The following OSBP2 variants were observed in gnomAD, a reference collection of about 807,000 sequenced individuals.
OSBP2 encodes oxysterol-binding protein 2.
OSBP2 carries 66 observed loss-of-function variants against 96.0 expected under a neutral mutation model. That is an observed-to-expected ratio of 0.69 (90% CI 0.56 to 0.84). OSBP2 has a LOEUF of 0.84. Among genes scored for constraint, OSBP2 ranks in the 40% least tolerant of loss-of-function variants. OSBP2 has a pLI of 0.00. For missense variants in OSBP2, 1,038 were observed against 1,222.7 expected (o/e 0.85, Z 2.25); for synonymous variants, 525 against 520.9 (o/e 1.01, Z -0.11).
intron 2 of OSBP2, chr22:30,764,144 C>T (rs2090240884): frequency 7.0e-6 from 5 of 716,774 alleles, no homozygotes; most frequent in Middle Eastern, 7.2e-4. Context: ...AGGGGCTCCC[C>T]GGTTCTCGCC....
rs1361139215 is a variant in OSBP2, at chr22:30,890,834, T to A, written c.1730T>A (p.Met577Lys). The change falls in exon 8 of 14, where the codon ATG becomes AAG. Residue 577 changes from methionine (M) to lysine (K), a missense_variant. By Grantham distance (95) the Met-to-Lys change is moderately conservative. Around this residue, in one of 3 missense-constraint regions of OSBP2, gnomAD observed 737 missense variants for 913.3 expected, o/e 0.81. Transcript: ENST00000332585. The surrounding 1 kb of genome is among the most constrained non-coding windows in gnomAD (Gnocchi z 4.4). Reference protein sequence around the residue: ...AVHCTSSVEQMCLVAAFSVSS... With the variant: ...AVHCTSSVEQKCLVAAFSVSS... ...CACTGCACCAGCTCAGTGGAGCAGA[T>A]GTGCCTGGTGGCCGCCTTCTCTGTG... is the stretch of plus-strand genomic sequence containing the variant. 2 of 1,613,818 alleles carry A rather than the reference T, an allele frequency of 1.2e-6. No individual in the cohort carries two copies. The highest frequency in any genetic ancestry group is 1.7e-6 in the Non-Finnish European group (2 of 1,180,012).
rs773172269 is a variant in OSBP2 at position 30,887,447 on chromosome 22, C to T, written c.1129C>T (p.Leu377=). Residue 377 remains leucine, a synonymous_variant, in exon 4 of 14, where the codon CTA becomes TTA. Transcript: ENST00000332585. ...CCAGGCCTGCAGGGACTTCTTGGAA[C>T]TAGCAGAGATACACAGTCGGAAATG... is the stretch of plus-strand genomic sequence containing the variant. ...MINACRDFLE[L]AEIHSRKWQR... The T allele has an allele frequency of 3.2e-5, 52 of 1,613,604 alleles. No homozygotes were observed. The highest frequency in any genetic ancestry group is 4.2e-5 in the Non-Finnish European group (50 of 1,179,904).
chr22:30,716,288 T>G (rs2089454491), intron 1 of OSBP2, among the ~76,000 whole-genome samples: 1 of 149,744 alleles, frequency 6.7e-6, no homozygotes, highest in Non-Finnish European at 1.5e-5. Context: ...GTGATCTGCC[T>G]GTTTCAGCCT....
At chr22:30,728,959 AT>A (rs2089699421) in intron 1 of OSBP2, among the ~76,000 whole-genome samples, 1 of 152,196 alleles carries the variant, frequency 6.6e-6, no homozygotes, top group African/African-American at 2.4e-5. Context: ...TGTTGTGAAC[AT>A]TTTGGTACCT....
chr22:30,799,135 G>T (rs2090814553), intron 2 of OSBP2, among the ~76,000 whole-genome samples: 1 of 134,808 alleles, frequency 7.4e-6, no homozygotes, highest in Admixed American at 8.1e-5. Context: ...TTTGAGATAG[G>T]GTCTCACTGT....
At chr22:30,704,438 G>A (rs1195563885) in intron 1 of OSBP2, among the ~76,000 whole-genome samples, 3 of 152,042 alleles carry the variant, frequency 2.0e-5, no homozygotes, top group East Asian at 3.9e-4. Context: ...CAGAGCCCAG[G>A]GTTTTTACTG....
Position 30,893,561 on chromosome 22 carries a change from G to A in OSBP2, c.2089G>A (p.Asp697Asn), listed in dbSNP as rs967555975. The part of the protein sequence containing the change: ...HNIIVGKLWI[D>N]QSGDIEIVNH... ...CATCATCGTGGGCAAGCTCTGGATC[G>A]ACCAGGTCAGGGGCGCCCTTGGGGA... The change falls in exon 10 of 14, where the codon GAC becomes AAC. Residue 697 changes from aspartate to asparagine, a missense_variant. Physicochemically the swap from Asp to Asn is conservative, Grantham distance 23 (BLOSUM62 1). Transcript: ENST00000332585. 17 of 1,613,874 alleles carry A rather than the reference G, an allele frequency of 1.1e-5. No homozygotes were observed. Among genetic ancestry groups the A allele is most frequent in the Non-Finnish European group, 1.3e-5 (15 of 1,179,908 alleles).
intron 4 of OSBP2, 33 bp downstream of exon 4, chr22:30,887,651 G>A: frequency 6.5e-7 from 1 of 1,527,606 alleles, no homozygotes; most frequent in Non-Finnish European, 8.8e-7. Context: ...GCTGTCCCAT[G>A]ACCTTCTGCC....
intron 2 of OSBP2, among the ~76,000 whole-genome samples, chr22:30,839,409 C>G (rs1230290148): frequency 8.4e-6 from 1 of 118,588 alleles, no homozygotes; most frequent in Non-Finnish European, 1.7e-5. Flanking sequence ...TTCTAGATCC[C>G]TGAGGAATCG....
chr22:30,775,819 A>G (rs905356061), intron 2 of OSBP2, among the ~76,000 whole-genome samples: 6 of 151,614 alleles, frequency 4.0e-5, no homozygotes, highest in African/African-American at 1.2e-4. Context: ...TTTCTGAGAC[A>G]GTGTCTTGCT....
intron 2 of OSBP2, among the ~76,000 whole-genome samples, chr22:30,855,317 A>T (rs1417738137): frequency 6.6e-6 from 1 of 152,068 alleles, no homozygotes; most frequent in South Asian, 2.1e-4. Context: ...GCCCTGGCCC[A>T]TTCCTTCTCA....
intron 2 of OSBP2, chr22:30,773,039 G>T (rs1402362635): frequency 1.3e-5 from 2 of 151,634 alleles, no homozygotes; most frequent in East Asian, 3.9e-4. Flanking sequence ...TGATCCACCT[G>T]CCTTGGCCTC....
At chr22:30,811,312 ATTTT>A (rs995526445) in intron 2 of OSBP2, among the ~76,000 whole-genome samples, 1 of 144,188 alleles carries the variant, frequency 6.9e-6, no homozygotes. Context: ...TTCTGATTTT[ATTTT>A]TTTTATTTTT....
At chr22:30,899,402 C>CAAAA (rs59384656) in intron 12 of OSBP2, among the ~76,000 whole-genome samples, 1 of 86,614 alleles carries the variant, frequency 1.2e-5, no homozygotes, top group African/African-American at 4.3e-5. Flanking sequence ...GACCCTATCT[C>CAAAA]AAAAAAAAAA....
chr22:30,712,640 G>A (rs1176329552), intron 1 of OSBP2, among the ~76,000 whole-genome samples: 4 of 152,200 alleles, frequency 2.6e-5, no homozygotes, highest in Non-Finnish European at 4.4e-5. Flanking sequence ...GGGAACTGGA[G>A]CGTCCAGGAT....
intron 2 of OSBP2, among the ~76,000 whole-genome samples, chr22:30,846,126 CATTTT>C (rs1341801453): frequency 5.9e-5 from 9 of 151,822 alleles, no homozygotes; most frequent in Admixed American, 2.0e-4. Context: ...GTGATCATAT[CATTTT>C]ATTTTATTTT....
Position 30,889,535 on chromosome 22 carries a change from A to G in OSBP2, c.1522A>G (p.Lys508Glu), listed in dbSNP as rs1380423282. Residue 508 changes from lysine to glutamate, a missense_variant, in exon 7 of 14, where the codon AAG becomes GAG. Lys to Glu is a moderately conservative substitution (Grantham distance 56, BLOSUM62 1). Transcript: ENST00000332585. ...CGTGCCCAAGGGTTCATCCAAAGTC[A>G]AGAGGCGAGTCCGCATTCCCAACAA... The part of the protein sequence containing the change: ...SLVPKGSSKV[K>E]RRVRIPNKPN... The G allele has an allele frequency of 6.2e-7, 1 of 1,614,070 alleles. No homozygotes were observed. The highest frequency in any genetic ancestry group is 1.3e-5 in the African/African-American group (1 of 75,020).
intron 2 of OSBP2, among the ~76,000 whole-genome samples, chr22:30,759,482 A>G (rs1205307880): frequency 6.6e-6 from 1 of 152,222 alleles, no homozygotes; most frequent in Non-Finnish European, 1.5e-5. Context: ...TACCAACATC[A>G]GGAATGAAAT....
At chr22:30,806,383 C>A (rs1286594602) in intron 2 of OSBP2, among the ~76,000 whole-genome samples, 1 of 152,204 alleles carries the variant, frequency 6.6e-6, no homozygotes, top group East Asian at 1.9e-4. Flanking sequence ...GCCAGCCAGG[C>A]AGAATCACAA....
Sources: gnomAD v4.1 joint callset for allele counts (sites outside exome capture counted in the v4.1 genomes callset) on GRCh38, gnomAD v4.1.1 for gene constraint, gnomAD v4.1.1 regional missense constraint, Gnocchi (gnomAD v3.1) non-coding constraint, MANE v1.5 for transcripts, NCBI Gene and HGNC (gene_info 2026-07-23, HGNC 2026-07-21) for gene names.